CLEC4F: variants seen among roughly 807,000 people sequenced by gnomAD.
CLEC4F encodes C-type lectin domain family 4 member F, also known as C-type (calcium dependent, carbohydrate-recognition domain) lectin, superfamily member 13.
CLEC4F carries 45 observed loss-of-function variants against 53.4 expected under a neutral mutation model. The ratio of observed to expected loss-of-function variants is 0.84; its 90% confidence interval spans 0.66 to 1.08. The LOEUF is 1.08. Ranked by LOEUF, CLEC4F falls within the 50% of genes least tolerant of loss-of-function variation. CLEC4F has a pLI of 0.00. For missense variants in CLEC4F, 753 were observed against 698.2 expected, an observed-to-expected ratio of 1.08 and a Z score of -0.88; for synonymous variants, 245 against 257.5, an observed-to-expected ratio of 0.95 and a Z score of 0.46.
At chr2:70,817,343 G>A (rs1553396688) in intron 3 of CLEC4F, among the ~76,000 whole-genome samples, 1 of 152,198 alleles carries the variant, frequency 6.6e-6, no homozygotes, top group African/African-American at 2.4e-5. Flanking sequence ...ACAAATGAAG[G>A]GGTCAGAAGG....
intron 4 of CLEC4F, among the ~76,000 whole-genome samples, chr2:70,815,679 A>G (rs921836784): frequency 6.6e-6 from 1 of 152,184 alleles, no homozygotes; most frequent in African/African-American, 2.4e-5. Context: ...TCAAGGTCAT[A>G]CCATTTGGGG....
At chr2:70,820,691 C>T (rs1193233554), upstream of CLEC4F, 4 of 611,368 alleles carry the variant, frequency 6.5e-6, no homozygotes, top group Non-Finnish European at 1.1e-5. Flanking sequence ...AAACCCGCCC[C>T]AGTGGGCCCC....
At chr2:70,819,570 C>A in intron 2 of CLEC4F, 126 bp from the exon 3 acceptor site, 1 of 950,824 alleles carries the variant, frequency 1.1e-6, no homozygotes, top group South Asian at 1.4e-5. Context: ...CAGGGTTTCC[C>A]TCATGAACCT....
chr2:70,820,038 G>T, intron 1 of CLEC4F, 147 bp from the exon 2 acceptor site: 1 of 566,634 alleles, frequency 1.8e-6, no homozygotes, highest in Non-Finnish European at 3.1e-6. Flanking sequence ...CATGCAGGTG[G>T]TTATGGAGAA....
At chr2:70,815,061 A>G (rs1429686826) in intron 4 of CLEC4F, among the ~76,000 whole-genome samples, 1 of 152,088 alleles carries the variant, frequency 6.6e-6, no homozygotes, top group Non-Finnish European at 1.5e-5. Context: ...GTAAAGTGGA[A>G]CGTCACTGCT....
chr2:70,809,624 C>T lies in CLEC4F; in HGVS notation c.1658+115G>A, dbSNP rs926430070. The T allele has an allele frequency of 1.2e-4, 100 of 820,764 alleles. 1 individual carries two copies. Among genetic ancestry groups the T allele is most frequent in the South Asian group, 6.0e-4 (40 of 67,042 alleles). 50.8% of individuals were successfully genotyped at this position (820,764 alleles called of 1,614,324 possible). On this transcript the variant is annotated intron_variant, in intron 6 of 6. Transcript: ENST00000272367. ...ACATACACCACATACACACCACACA[C>T]GTCACACACACATATACACACAACA... is the stretch of plus-strand genomic sequence containing the variant.
chr2:70,809,670 A>G, intron 6 of CLEC4F, 69 bp downstream of exon 6: 2 of 1,169,688 alleles, frequency 1.7e-6, no homozygotes, highest in Admixed American at 1.7e-5. Context: ...CTGGGAAGGG[A>G]CACACAGTGT....
In CLEC4F at chr2:70,811,416, T is replaced by C. The variant is rs1553394195; in HGVS notation, c.1539+1031A>G. 25 of 642,680 alleles carry C rather than the reference T, an allele frequency of 3.9e-5. 1 individual carries two copies. Among genetic ancestry groups the C allele is most frequent in the Non-Finnish European group, 3.5e-5 (12 of 343,878 alleles). 39.8% of individuals were successfully genotyped at this position (642,680 alleles called of 1,614,324 possible). On this transcript the variant is annotated intron_variant, in intron 5 of 6. Transcript: ENST00000272367. ...TTCATCAGGCCAATTATAGATATCC[T>C]GTGCCTTGGTGCCCTGCCTGTTCTG...
At chr2:70,819,708 G>A in intron 2 of CLEC4F, 67 bp downstream of exon 2, 1 of 1,195,668 alleles carries the variant, frequency 8.4e-7, no homozygotes, top group Non-Finnish European at 1.2e-6. Context: ...TGTGCATCTG[G>A]GGCCCCTGGG....
intron 6 of CLEC4F, 136 bp from the exon 7 acceptor site, chr2:70,809,518 C>T: frequency 1.1e-6 from 1 of 905,914 alleles, no homozygotes; most frequent in Non-Finnish European, 1.7e-6. Flanking sequence ...TGTCCAAACG[C>T]ACACACATCA....
At position 70,819,390 on chromosome 2, in the gene CLEC4F, T is replaced by G. The variant is rs782464834; in HGVS notation, c.233A>C (p.Asp78Ala). Residue 78 changes from aspartate (D) to alanine (A), a missense_variant, in exon 3 of 7, where the codon GAC becomes GCC. Physicochemically the swap from Asp to Ala is moderately radical, Grantham distance 126. Transcript: ENST00000272367. ...AAAAGGTAAATGCCCAGTAATGTTG[T>G]CTCCCAGAATTACGGCTTGCACAGG... ...PKPVQAVILG[D>A]NITGHLPFEP... The G allele has an allele frequency of 6.2e-7, 1 of 1,614,114 alleles. No homozygotes were observed. Among genetic ancestry groups the G allele is most frequent in the Admixed American group, 1.7e-5 (1 of 60,016 alleles).
chr2:70,816,220 G>T lies in CLEC4F; in HGVS notation c.1161C>A (p.Ser387Arg). ...QVLNGHMKNA[S>R]REIQTLKQGM... is the part of the protein sequence containing the mutation. The stretch of plus-strand genomic sequence containing the variant: ...CTTGTTTTAGGGTCTGTATCTCTCT[G>T]CTGGCATTTTTCATATGACCATTTA... The change falls in exon 4 of 7, where the codon AGC becomes AGA. Residue 387 changes from serine (S) to arginine (R), a missense_variant. Physicochemically the swap from Ser to Arg is moderately radical, Grantham distance 110. Coordinates refer to ENST00000272367, the MANE Select transcript of CLEC4F (RefSeq NM_173535.3). 6.2e-7 allele frequency: 1 copy of T among 1,614,142 alleles called. No homozygotes were observed. Among genetic ancestry groups the T allele is most frequent in the Non-Finnish European group, 8.5e-7 (1 of 1,180,022 alleles).
upstream of CLEC4F, among the ~76,000 whole-genome samples, chr2:70,824,797 T>A (rs1336346462): frequency 6.6e-6 from 1 of 152,192 alleles, no homozygotes; most frequent in East Asian, 1.9e-4. Context: ...TGTGAGTCCA[T>A]ACTGACATAA....
chr2:70,813,535 CTTTTTTTCTTTCTTTCTTTTTTTCTT>C (rs1676687460), intron 4 of CLEC4F, among the ~76,000 whole-genome samples: 4 of 93,022 alleles, frequency 4.3e-5, no homozygotes, highest in African/African-American at 1.4e-4. Flanking sequence ...TTCTTTCTTT[CTTTTTTTCTTTCTTTCTTTTTTTCTT>C]TCTTTCTCTT....
chr2:70,808,827 C>T lies in CLEC4F; in HGVS notation c.*444G>A, dbSNP rs983598800. 11 of 518,262 alleles carry T rather than the reference C, an allele frequency of 2.1e-5. No homozygotes were observed. The highest frequency in any genetic ancestry group is 3.5e-5 in the Non-Finnish European group (10 of 286,344). 32.1% of individuals were successfully genotyped at this position (518,262 alleles called of 1,614,324 possible). A position where few individuals can be genotyped will look rare whatever the true frequency, so the allele number is the denominator to read the frequency against. On this transcript the variant is annotated 3_prime_UTR_variant, in exon 7 of 7. Transcript: ENST00000272367. Reference sequence around the variant, plus strand: ...CAAGGCAGGAAGTCCACAAGGCCAACGGAAGGTCCCAGAGAACAAGCAGAG... The same window carrying T: ...CAAGGCAGGAAGTCCACAAGGCCAATGGAAGGTCCCAGAGAACAAGCAGAG...
At chr2:70,811,440 T>C (rs782532623) in intron 5 of CLEC4F, 5 of 589,194 alleles carry the variant, frequency 8.5e-6, no homozygotes, top group Admixed American at 1.9e-5. Context: ...CTGCCTGTTC[T>C]GCCTCAGCAC....
chr2:70,815,062 C>T (rs1263072920), intron 4 of CLEC4F, among the ~76,000 whole-genome samples: 5 of 152,158 alleles, frequency 3.3e-5, no homozygotes, highest in Admixed American at 6.5e-5. Flanking sequence ...TAAAGTGGAA[C>T]GTCACTGCTG....
chr2:70,819,465 A>C, intron 2 of CLEC4F, 21 bp from the exon 3 acceptor site: 1 of 1,609,032 alleles, frequency 6.2e-7, no homozygotes, highest in African/African-American at 1.3e-5. Flanking sequence ...CCATTTTTCC[A>C]GGTCAGCAAA....
At position 70,816,194 on chromosome 2, in the gene CLEC4F, C is replaced by T. The variant is rs782375075; in HGVS notation, c.1187G>A (p.Gly396Glu). The change falls in exon 4 of 7, where the codon GGA (glycine) becomes GAA (glutamate). Residue 396 changes from glycine to glutamate, a missense_variant. Transcript: ENST00000272367. ...ASREIQTLKQ[G>E]MKNASALTSQ... is the part of the protein sequence containing the mutation. ...AGTTAAGGCTGAAGCATTCTTCATTCCTTGTTTTAGGGTCTGTATCTCTCT... is the reference window on the plus strand; with the variant it reads ...AGTTAAGGCTGAAGCATTCTTCATTTCTTGTTTTAGGGTCTGTATCTCTCT... The T allele has an allele frequency of 1.7e-5, 28 of 1,614,016 alleles. No homozygotes were observed. The African/African-American group carries it at 3.5e-4, about 20-fold the overall frequency.
Sources: allele counts gnomAD v4.1 joint callset (sites outside exome capture counted in the v4.1 genomes callset), GRCh38; gene constraint gnomAD v4.1.1; transcripts MANE v1.5; gene names NCBI Gene and HGNC (gene_info 2026-07-23, HGNC 2026-07-21).